The following IFNG variants were observed in gnomAD, a reference collection of about 807,000 sequenced individuals.
IFNG encodes IFN-gamma.
IFNG carries 8 observed loss-of-function variants against 14.4 expected under a neutral mutation model. The ratio of observed to expected loss-of-function variants is 0.56; its 90% confidence interval spans 0.33 to 1.00. The LOEUF is 1.00. Among genes scored for constraint, IFNG ranks in the 50% least tolerant of loss-of-function variants. IFNG has a pLI of 0.03. For missense variants in IFNG, 132 were observed against 194.9 expected (o/e 0.68, Z 1.92); for synonymous variants, 73 against 65.4 (o/e 1.12, Z -0.56).
intron 2 of IFNG, 27 bp from the exon 3 acceptor site, chr12:68,158,122 G>C: frequency 1.3e-6 from 2 of 1,595,532 alleles, no homozygotes; most frequent in Middle Eastern, 3.3e-4. Flanking sequence ...ACAAACAGAG[G>C]ATGATGTGAA....
chr12:68,156,137 C>T (rs950560245), intron 3 of IFNG, among the ~76,000 whole-genome samples: 6 of 152,188 alleles, frequency 3.9e-5, no homozygotes, highest in African/African-American at 2.4e-5. Flanking sequence ...CTAGAAAACA[C>T]CAAATCCAAA....
At chr12:68,155,631 A>G in intron 3 of IFNG, 144 bp from the exon 4 acceptor site, 1 of 573,714 alleles carries the variant, frequency 1.7e-6, no homozygotes, top group Non-Finnish European at 2.7e-6. Flanking sequence ...TTACTTCTTC[A>G]GCAGTTGAAG....
Position 68,155,248 on chromosome 12 carries a change from C to G in IFNG, c.*105G>C. 2 of 723,530 alleles carry G rather than the reference C, an allele frequency of 2.8e-6. No individual in the cohort carries two copies. Among genetic ancestry groups the G allele is most frequent in the Non-Finnish European group, 4.1e-6 (2 of 483,310 alleles). The allele number at this position is 723,530 out of a possible 1,614,324, so 44.8% of individuals were successfully genotyped here. On this transcript the variant is annotated 3_prime_UTR_variant, in exon 4 of 4. Transcript: ENST00000229135. Reference sequence around the variant, plus strand: ...TACACAAAAGTTGCTATTATAAATACTTATTTGATTGATGAGTCTAAAAAT... The same window carrying G: ...TACACAAAAGTTGCTATTATAAATAGTTATTTGATTGATGAGTCTAAAAAT...
At position 68,158,099 on chromosome 12, in the gene IFNG, G is replaced by A; in HGVS notation, c.184-4C>T. The A allele has an allele frequency of 1.3e-6, 2 of 1,596,652 alleles. No homozygotes were observed. The highest frequency in any genetic ancestry group is 1.7e-6 in the Non-Finnish European group (2 of 1,170,142). On this transcript the variant is annotated splice_region_variant and splice_polypyrimidine_tract_variant and intron_variant, in intron 2 of 3. Transcript: ENST00000229135. Reference sequence around the variant, plus strand: ...GCATTATTTTTCTGTCACTCTCCTTGGAAGGAAAGAGCACAAACAGAGGAT... The same window carrying A: ...GCATTATTTTTCTGTCACTCTCCTTAGAAGGAAAGAGCACAAACAGAGGAT...
chr12:68,159,303 T>G (rs1882650720), intron 1 of IFNG, among the ~76,000 whole-genome samples, 199 bp downstream of exon 1: 1 of 152,210 alleles, frequency 6.6e-6, no homozygotes, highest in Admixed American at 6.5e-5. Context: ...CTTTTAAGTC[T>G]CTATACAAAC....
At position 68,155,370 on chromosome 12, in the gene IFNG, G is replaced by A. The variant is rs1367569781; in HGVS notation, c.484C>T (p.Arg162Ter). The A allele has an allele frequency of 2.5e-6, 4 of 1,607,812 alleles. No homozygotes were observed. Among genetic ancestry groups the A allele is most frequent in the East Asian group, 2.2e-5 (1 of 44,506 alleles). Residue 162 changes from arginine to a stop codon, truncating the protein, a stop_gained, in exon 4 of 4, where the codon CGA becomes TGA. Coordinates refer to ENST00000229135, the MANE Select transcript of IFNG (RefSeq NM_000619.3). LOFTEE classifies it high-confidence loss of function. ...GACAACCATTACTGGGATGCTCTTC[G>A]ACCTCGAAACAGCATCTGACTCCTT... is the stretch of plus-strand genomic sequence containing the variant. ...RKRSQMLFRGRRASQ is the reference protein window; with the variant it reads ...RKRSQMLFRG
In IFNG at chr12:68,155,457, T is replaced by C. The variant is rs758339432; in HGVS notation, c.397A>G (p.Ile133Val). Residue 133 changes from isoleucine to valine, a missense_variant, in exon 4 of 4, where the codon ATA becomes GTA. Ile to Val is a conservative substitution (Grantham distance 29, BLOSUM62 3). Coordinates refer to ENST00000229135, the MANE Select transcript of IFNG (RefSeq NM_000619.3). The part of the protein sequence containing the change: ...VTDLNVQRKA[I>V]HELIQVMAEL... ...GCCATCACTTGGATGAGTTCATGTA[T>C]TGCTTTGCGTTGGACATTCAAGTCA... 11 of 1,608,768 alleles carry C rather than the reference T, an allele frequency of 6.8e-6. No homozygotes were observed.
chr12:68,158,264 A>T lies in IFNG; in HGVS notation c.115-5T>A. 7.1e-7 allele frequency: 1 copy of T among 1,409,630 alleles called. No individual in the cohort carries two copies. Among genetic ancestry groups the T allele is most frequent in the Non-Finnish European group, 9.5e-7 (1 of 1,050,752 alleles). The allele number at this position is 1,409,630 out of a possible 1,614,324, so 87.3% of individuals were successfully genotyped here. ...TACATCTGAATGACCTGCATTCTAAAAAAAAAAAAAGAAAAAATTGGTTTA... is the reference window on the plus strand; with the variant it reads ...TACATCTGAATGACCTGCATTCTAATAAAAAAAAAAGAAAAAATTGGTTTA... On this transcript the variant is annotated splice_region_variant and splice_polypyrimidine_tract_variant and intron_variant, in intron 1 of 3. Transcript: ENST00000229135.
In IFNG at chr12:68,159,647, A is replaced by G. The variant is rs1487315355; in HGVS notation, c.-32T>C. 2.1e-5 allele frequency: 24 copies of G among 1,161,726 alleles called. No individual in the cohort carries two copies. Among genetic ancestry groups the G allele is most frequent in the African/African-American group, 3.0e-5 (2 of 66,234 alleles). The allele number at this position is 1,161,726 out of a possible 1,614,324, so 72.0% of individuals were successfully genotyped here. On this transcript the variant is annotated 5_prime_UTR_variant, in exon 1 of 4. Transcript: ENST00000229135. ...CGAGAGAATTAAGCCAAAGAAGTTGAAATCAGTAGTTCTTGTATCAAGCTG... is the reference window on the plus strand; with the variant it reads ...CGAGAGAATTAAGCCAAAGAAGTTGGAATCAGTAGTTCTTGTATCAAGCTG...
chr12:68,157,866 C>A lies in IFNG; in HGVS notation c.366+47G>T, dbSNP rs370605498. The stretch of plus-strand genomic sequence containing the variant: ...TACTTTCTGGAGAATAAATGCTTTG[C>A]AAGACCCTCGGCAATGAAACCAAAG... On this transcript the variant is annotated intron_variant, in intron 3 of 3. Transcript: ENST00000229135. The A allele has an allele frequency of 1.6e-4, 225 of 1,380,808 alleles. 1 individual carries two copies. The highest frequency in any genetic ancestry group is 3.7e-4 in the Middle Eastern group (2 of 5,438). The allele number at this position is 1,380,808 out of a possible 1,614,324, so 85.5% of individuals were successfully genotyped here.
intron 3 of IFNG, 96 bp from the exon 4 acceptor site, chr12:68,155,583 C>A: frequency 8.4e-7 from 1 of 1,194,908 alleles, no homozygotes; most frequent in East Asian, 2.6e-5. Context: ...AAAAGTATTC[C>A]TTTAAAAAAT....
intron 3 of IFNG, 108 bp downstream of exon 3, chr12:68,157,805 G>C (rs1882623054): frequency 3.7e-6 from 3 of 809,514 alleles, no homozygotes; most frequent in South Asian, 3.9e-5. Flanking sequence ...CATGAGTTGA[G>C]TTCATAGCTT....
At chr12:68,156,838 G>A (rs890638853) in intron 3 of IFNG, among the ~76,000 whole-genome samples, 6 of 152,122 alleles carry the variant, frequency 3.9e-5, no homozygotes, top group African/African-American at 1.4e-4. Flanking sequence ...AAGGAGACCT[G>A]TTGCCATGTC....
Position 68,157,895 on chromosome 12 carries a change from G to T in IFNG, c.366+18C>A, listed in dbSNP as rs781746689. The T allele has an allele frequency of 6.4e-7, 1 of 1,560,694 alleles. No homozygotes were observed. Among genetic ancestry groups the T allele is most frequent in the East Asian group, 2.3e-5 (1 of 44,098 alleles). On this transcript the variant is annotated intron_variant, in intron 3 of 3. Transcript: ENST00000229135. ...ACCCTCGGCAATGAAACCAAAGAAAGAATTTAAATAGCCTCACCGAATAAT... is the reference window on the plus strand; with the variant it reads ...ACCCTCGGCAATGAAACCAAAGAAATAATTTAAATAGCCTCACCGAATAAT...
In IFNG at chr12:68,158,231, T is replaced by C; in HGVS notation, c.143A>G (p.Asn48Ser). ...FNAGHSDVAD[N>S]GTLFLGILKN... ...CAAAATGCCTAAGAAAAGAGTTCCA[T>C]TATCCGCTACATCTGAATGACCTGC... The change falls in exon 2 of 4, where the codon AAT becomes AGT. Residue 48 changes from asparagine (N) to serine (S), a missense_variant. By Grantham distance (46) the Asn-to-Ser change is conservative (BLOSUM62 1). Transcript: ENST00000229135. 6.2e-7 allele frequency: 1 copy of C among 1,608,764 alleles called. No homozygotes were observed. The highest frequency in any genetic ancestry group is 8.5e-7 in the Non-Finnish European group (1 of 1,178,294).
At chr12:68,156,567 C>T (rs1882604438) in intron 3 of IFNG, among the ~76,000 whole-genome samples, 1 of 152,276 alleles carries the variant, frequency 6.6e-6, no homozygotes, top group Admixed American at 6.5e-5. Context: ...ATTAATAGAG[C>T]TCACTCAAGA....
In IFNG at chr12:68,157,976, A is replaced by G; in HGVS notation, c.303T>C (p.Asn101=). Residue 101 remains asparagine, a synonymous_variant, in exon 3 of 4, where the codon AAT becomes AAC. Transcript: ENST00000229135. ...TTTTGTTGCTATTGAAAAACTTGACATTCATGTCTTCCTTGATGGTCTCCA... is the reference window on the plus strand; with the variant it reads ...TTTTGTTGCTATTGAAAAACTTGACGTTCATGTCTTCCTTGATGGTCTCCA... ...KSVETIKEDM[N]VKFFNSNKKK... 6.2e-7 allele frequency: 1 copy of G among 1,609,232 alleles called. No homozygotes were observed. The highest frequency in any genetic ancestry group is 8.5e-7 in the Non-Finnish European group (1 of 1,176,900).
intron 3 of IFNG, among the ~76,000 whole-genome samples, chr12:68,157,153 A>T (rs187909197): frequency 2.3e-4 from 35 of 152,326 alleles, no homozygotes; most frequent in Non-Finnish European, 2.9e-5. Flanking sequence ...TCCAGCTGAG[A>T]TATTCTGAAA....
chr12:68,156,864 T>C (rs1261915769), intron 3 of IFNG, among the ~76,000 whole-genome samples: 1 of 152,122 alleles, frequency 6.6e-6, no homozygotes, highest in African/African-American at 2.4e-5. Context: ...TTTCTGTTTC[T>C]GGGGGCTTAC....
Sources: gnomAD v4.1 joint callset for allele counts (sites outside exome capture counted in the v4.1 genomes callset) on GRCh38, gnomAD v4.1.1 for gene constraint, MANE v1.5 for transcripts, NCBI Gene and HGNC (gene_info 2026-07-23, HGNC 2026-07-21) for gene names.